PATJ: variants seen among roughly 807,000 people sequenced by gnomAD.
PATJ encodes the protein PATJ crumbs cell polarity complex component.
A neutral mutation model predicts 224.9 loss-of-function variants in PATJ; 190 were observed. The ratio of observed to expected loss-of-function variants is 0.84; its 90% CI spans 0.75 to 0.95. The LOEUF (loss-of-function observed/expected upper bound fraction) is 0.95. Ranked by LOEUF, PATJ falls within the 40% of genes least tolerant of loss-of-function variation. The probability of loss-of-function intolerance (pLI) is 0.00; values close to 1 mark genes in which losing one functional copy is unlikely to be tolerated. For synonymous variants in PATJ, 769 were observed against 820.3 expected (o/e 0.94, Z 1.07); for missense variants, 2,121 against 2,270.3 (o/e 0.93, Z 1.34).
intron 3 of PATJ, among the ~76,000 whole-genome samples, chr1:61,765,776 A>G (rs545114938): frequency 6.6e-6 from 1 of 152,300 alleles, no homozygotes; most frequent in East Asian, 1.9e-4. Flanking sequence ...TAGGCTCACA[A>G]AATGGGATAA....
At chr1:61,874,171 A>ATTTT (rs1462886388) in intron 20 of PATJ, among the ~76,000 whole-genome samples, 46 of 129,748 alleles carry the variant, frequency 3.5e-4, no homozygotes, top group South Asian at 1.6e-3. Flanking sequence ...CCTTGGGCCT[A>ATTTT]TTTTATTTAT....
intron 28 of PATJ, among the ~76,000 whole-genome samples, chr1:62,001,841 G>A (rs2149610687): frequency 6.6e-6 from 1 of 152,128 alleles, no homozygotes; most frequent in South Asian, 2.1e-4. Context: ...CCATTTCTTT[G>A]TATCCTCTTT....
At chr1:61,775,839 T>C (rs1276017529) in intron 7 of PATJ, among the ~76,000 whole-genome samples, 1 of 152,228 alleles carries the variant, frequency 6.6e-6, no homozygotes, top group Non-Finnish European at 1.5e-5. Context: ...CAACTGTTTC[T>C]GCTTAATTTT....
intron 21 of PATJ, among the ~76,000 whole-genome samples, chr1:61,880,533 A>G (rs1337972585): frequency 6.6e-6 from 1 of 152,184 alleles, no homozygotes; most frequent in African/African-American, 2.4e-5. Flanking sequence ...TCTTTGTTAC[A>G]TTTTCTAGGT....
intron 27 of PATJ, among the ~76,000 whole-genome samples, chr1:61,975,759 C>A (rs1307642205): frequency 6.6e-6 from 1 of 151,952 alleles, no homozygotes; most frequent in Non-Finnish European, 1.5e-5. Context: ...TCAGGCTTAT[C>A]GTCTCCTTCA....
intron 32 of PATJ, among the ~76,000 whole-genome samples, chr1:62,080,520 T>A (rs1659114338): frequency 6.6e-6 from 1 of 151,834 alleles, no homozygotes; most frequent in Non-Finnish European, 1.5e-5. Context: ...TTAGTAGAGA[T>A]GGGGTTTCAC....
intron 43 of PATJ, among the ~76,000 whole-genome samples, chr1:62,156,984 T>C (rs1669288664): frequency 6.6e-6 from 1 of 151,722 alleles, no homozygotes; most frequent in South Asian, 2.1e-4. Flanking sequence ...CCTTTCAAAA[T>C]TCCTGTGGGG....
At chr1:62,071,246 C>T (rs748043141) in intron 31 of PATJ, among the ~76,000 whole-genome samples, 12 of 152,124 alleles carry the variant, frequency 7.9e-5, no homozygotes, top group Non-Finnish European at 1.6e-4. Context: ...CTGGGCTCTG[C>T]ACTAGTCCCC....
chr1:61,819,604 C>T (rs753356283), intron 14 of PATJ, among the ~76,000 whole-genome samples: 5 of 141,688 alleles, frequency 3.5e-5, no homozygotes, highest in Non-Finnish European at 7.8e-5. Flanking sequence ...CAGCGTGGGG[C>T]GGCAGGCGGC....
At chr1:62,064,533 T>C (rs1656072486) in intron 31 of PATJ, among the ~76,000 whole-genome samples, 1 of 152,176 alleles carries the variant, frequency 6.6e-6, no homozygotes, top group African/African-American at 2.4e-5. Flanking sequence ...GGTTTCACCA[T>C]GTTGGCCAGG....
At position 62,084,569 on chromosome 1, in the gene PATJ, G is replaced by A. The variant is rs1659714534; in HGVS notation, c.4298G>A (p.Gly1433Glu). 2 of 1,613,400 alleles carry A rather than the reference G, an allele frequency of 1.2e-6. No individual in the cohort carries two copies. Among genetic ancestry groups the A allele is most frequent in the Non-Finnish European group, 1.7e-6 (2 of 1,179,772 alleles). Residue 1433 changes from glycine to glutamate, a missense_variant, in exon 33 of 44, where the codon GGA (glycine) becomes GAA (glutamate). Physicochemically the swap from Gly to Glu is moderately conservative, Grantham distance 98. Coordinates refer to ENST00000642238, the MANE Select transcript of PATJ (RefSeq NM_001350145.3). ...CCCGCAACGTGTCCCATTGTCCCTG[G>A]ACAGGAAATGATTATAGAAATATCC... is the stretch of plus-strand genomic sequence containing the variant. ...VDPATCPIVPGQEMIIEISKG... is the reference protein window; with the variant it reads ...VDPATCPIVPEQEMIIEISKG...
At chr1:62,024,797 C>G (rs1382811717) in intron 29 of PATJ, among the ~76,000 whole-genome samples, 1 of 151,878 alleles carries the variant, frequency 6.6e-6, no homozygotes, top group Non-Finnish European at 1.5e-5. Flanking sequence ...CAAAGTGTGG[C>G]CAGCGGGTGT....
At chr1:61,997,785 TTTTTGTTTTGTTTTGTTTTG>T (rs3060985) in intron 28 of PATJ, among the ~76,000 whole-genome samples, 36 of 137,096 alleles carry the variant, frequency 2.6e-4, no homozygotes, top group African/African-American at 1.0e-3. Context: ...TGTGTGCGGT[TTTTTGTTTTGTTTTGTTTTG>T]TTTTGTTTTG....
intron 31 of PATJ, among the ~76,000 whole-genome samples, chr1:62,076,093 T>C (rs1045184639): frequency 3.6e-4 from 55 of 152,224 alleles, no homozygotes; most frequent in Non-Finnish European, 2.4e-4. Context: ...TAAACTGGCA[T>C]CTAGGGATGT....
At chr1:62,005,417 G>GTTTTT (rs533186698) in intron 28 of PATJ, among the ~76,000 whole-genome samples, 1 of 116,312 alleles carries the variant, frequency 8.6e-6, no homozygotes, top group African/African-American at 2.7e-5. Context: ...ATATGATGTG[G>GTTTTT]TTTTTTTTTT....
chr1:61,948,386 A>C (rs539296031), intron 27 of PATJ, among the ~76,000 whole-genome samples: 1 of 152,334 alleles, frequency 6.6e-6, no homozygotes. Flanking sequence ...AAACAACCCC[A>C]TCAAAAAGTG....
At chr1:62,116,035 G>A (rs553129011) in intron 35 of PATJ, among the ~76,000 whole-genome samples, 8 of 152,114 alleles carry the variant, frequency 5.3e-5, no homozygotes, top group East Asian at 1.9e-4. Context: ...TGACACATGC[G>A]TATACCTGGT....
At chr1:61,951,276 T>A (rs768538651) in intron 27 of PATJ, among the ~76,000 whole-genome samples, 18 of 152,204 alleles carry the variant, frequency 1.2e-4, no homozygotes, top group African/African-American at 3.4e-4. Flanking sequence ...TTGTTTTTTT[T>A]ATTCTGAAAA....
chr1:62,151,821 A>G (rs1374880181), intron 42 of PATJ, among the ~76,000 whole-genome samples: 2 of 152,196 alleles, frequency 1.3e-5, no homozygotes, highest in African/African-American at 4.8e-5. Context: ...CATAAATAAG[A>G]CAGGGTCTGG....
Sources: allele counts gnomAD v4.1 joint callset (sites outside exome capture counted in the v4.1 genomes callset), GRCh38; gene constraint gnomAD v4.1.1; transcripts MANE v1.5; gene names NCBI Gene and HGNC (gene_info 2026-07-23, HGNC 2026-07-21).